The following ATP6V1C2 variants were observed in gnomAD, a reference collection of about 807,000 sequenced individuals.
ATP6V1C2 encodes the protein ATPase H+ transporting V1 subunit C2, also known as V-type proton ATPase subunit C 2.
In ATP6V1C2, 45 loss-of-function variants were observed where a neutral mutation model predicts 56.8. That is an observed-to-expected ratio of 0.79 (90% CI 0.62 to 1.02). The LOEUF is 1.02. Among genes scored for constraint, ATP6V1C2 ranks in the 50% least tolerant of loss-of-function variants. The pLI is 0.00. For missense variants in ATP6V1C2, 463 were observed against 519.7 expected (o/e 0.89, Z 1.06); for synonymous variants, 220 against 201.3 (o/e 1.09, Z -0.79).
chr2:10,756,701 G>C (rs1232132330), intron 4 of ATP6V1C2, among the ~76,000 whole-genome samples: 1 of 152,114 alleles, frequency 6.6e-6, no homozygotes, highest in East Asian at 1.9e-4. Flanking sequence ...TAGGAGACAA[G>C]AGTGAAACTC....
chr2:10,726,260 A>T (rs529027580), intron 2 of ATP6V1C2, among the ~76,000 whole-genome samples: 2 of 152,228 alleles, frequency 1.3e-5, no homozygotes, highest in African/African-American at 4.8e-5. Flanking sequence ...AGATGGTAAC[A>T]TCATAGTCAC....
intron 3 of ATP6V1C2, among the ~76,000 whole-genome samples, chr2:10,742,779 G>GC (rs1317804759): frequency 6.6e-6 from 1 of 152,150 alleles, no homozygotes; most frequent in African/African-American, 2.4e-5. Flanking sequence ...GCTAAGAGGT[G>GC]CCCCCGTAGT....
intron 3 of ATP6V1C2, among the ~76,000 whole-genome samples, chr2:10,734,570 G>A (rs1662152239): frequency 1.3e-5 from 2 of 152,168 alleles, no homozygotes; most frequent in African/African-American, 4.8e-5. Context: ...TAACCTGCAA[G>A]AGTTCCAAAT....
intron 3 of ATP6V1C2, among the ~76,000 whole-genome samples, chr2:10,732,480 G>T (rs1331523228): frequency 6.6e-6 from 1 of 151,932 alleles, no homozygotes; most frequent in African/African-American, 2.4e-5. Flanking sequence ...GGCTGGTCTC[G>T]AACTCCTGAC....
At chr2:10,769,813 A>C (rs1459715319) in intron 6 of ATP6V1C2, among the ~76,000 whole-genome samples, 2 of 152,186 alleles carry the variant, frequency 1.3e-5, no homozygotes, top group African/African-American at 4.8e-5. Context: ...GGAGCAGCCC[A>C]GTCCCCCCAG....
chr2:10,776,521 C>T (rs1664999501), intron 10 of ATP6V1C2, among the ~76,000 whole-genome samples: 1 of 152,214 alleles, frequency 6.6e-6, no homozygotes, highest in Non-Finnish European at 1.5e-5. Context: ...GAAAGCTGAG[C>T]TCCAAAGTGT....
At position 10,763,133 on chromosome 2, in the gene ATP6V1C2, C is replaced by T. The variant is rs780333149; in HGVS notation, c.284-1198C>T. On this transcript the variant is annotated intron_variant, in intron 4 of 13. Transcript: ENST00000272238. This position sits in a 1 kb window ranked among gnomAD's most constrained non-coding sequence, Gnocchi z 4.2. ...AAGTGCAGACATGACCCTTGGTGAC[C>T]GATCCTACCCCTTTCTGTTCAGCAT... Among the ~76,000 whole-genome samples the T allele has an allele frequency of 4.6e-5, 7 of 152,052 alleles. No individual in the cohort carries two copies. Among genetic ancestry groups the T allele is most frequent in the African/African-American group, 7.2e-5 (3 of 41,384 alleles).
chr2:10,784,439 G>T lies in ATP6V1C2; in HGVS notation c.*1176G>T. 1 of 768,144 alleles carries T rather than the reference G, an allele frequency of 1.3e-6. No homozygotes were observed. The allele number at this position is 768,144 out of a possible 1,614,324, so 47.6% of individuals were successfully genotyped here. On this transcript the variant is annotated 3_prime_UTR_variant, in exon 14 of 14. Coordinates refer to ENST00000272238, the MANE Select transcript of ATP6V1C2 (RefSeq NM_001039362.2). ...TGGAGCTACTCCTGCTACAATCCAGGTTCTCCTCAGTCTGACTCCTACCCT... is the reference window on the plus strand; with the variant it reads ...TGGAGCTACTCCTGCTACAATCCAGTTTCTCCTCAGTCTGACTCCTACCCT...
Position 10,780,574 on chromosome 2 carries a change from TGGGAGTGTTC to T in ATP6V1C2, c.1062-1668_1062-1659del, listed in dbSNP as rs1665285740. 6.6e-6 allele frequency among the ~76,000 whole-genome samples: 1 copy of T among 152,202 alleles called. No homozygotes were observed. The highest frequency in any genetic ancestry group is 1.5e-5 in the Non-Finnish European group (1 of 68,036). ...TGGGTTGGAGGGTGTACCCAGCTCCTGGGAGTGTTCTAGCCATCTCTAATATACATGGCCC... is the reference window on the plus strand; with the variant it reads ...TGGGTTGGAGGGTGTACCCAGCTCCTTAGCCATCTCTAATATACATGGCCC... On this transcript the variant is annotated intron_variant, in intron 12 of 13. Coordinates refer to ENST00000272238, the MANE Select transcript of ATP6V1C2 (RefSeq NM_001039362.2). This position sits in a 1 kb window ranked among gnomAD's most constrained non-coding sequence, Gnocchi z 4.1.
intron 4 of ATP6V1C2, among the ~76,000 whole-genome samples, chr2:10,762,369 C>T (rs1377668045): frequency 3.3e-5 from 5 of 152,132 alleles, no homozygotes; most frequent in African/African-American, 4.8e-5. Context: ...TGGTCTCAAA[C>T]TCCTGACCTC....
intron 8 of ATP6V1C2, among the ~76,000 whole-genome samples, chr2:10,773,387 G>A (rs1446735192): frequency 2.6e-5 from 4 of 152,098 alleles, no homozygotes; most frequent in Non-Finnish European, 5.9e-5. Context: ...AAAGCTGCGC[G>A]TTTTCCTTTT....
intron 3 of ATP6V1C2, among the ~76,000 whole-genome samples, chr2:10,736,467 C>T (rs1327249541): frequency 6.6e-6 from 1 of 152,176 alleles, no homozygotes; most frequent in Non-Finnish European, 1.5e-5. Context: ...TGTATCTATG[C>T]ATCCCCCATT....
intron 4 of ATP6V1C2, among the ~76,000 whole-genome samples, chr2:10,755,659 C>G (rs1663509774): frequency 6.6e-6 from 1 of 152,222 alleles, no homozygotes; most frequent in Non-Finnish European, 1.5e-5. Flanking sequence ...CCTCCACCCT[C>G]TCCAGAGCCA....
At position 10,763,273 on chromosome 2, in the gene ATP6V1C2, C is replaced by T. The variant is rs1664029308; in HGVS notation, c.284-1058C>T. Among the ~76,000 whole-genome samples, 1 of 152,194 alleles carries T rather than the reference C, an allele frequency of 6.6e-6. No individual in the cohort carries two copies. The highest frequency in any genetic ancestry group is 2.4e-5 in the African/African-American group (1 of 41,430). On this transcript the variant is annotated intron_variant, in intron 4 of 13. Coordinates refer to ENST00000272238, the MANE Select transcript of ATP6V1C2 (RefSeq NM_001039362.2). This position sits in a 1 kb window ranked among gnomAD's most constrained non-coding sequence, Gnocchi z 4.2. The stretch of plus-strand genomic sequence containing the variant: ...CCGGCCACACGGCCACCTCCTCTTC[C>T]CCTTAGCCTCCACGTGAATACCATG...
rs1208708529 is a variant in ATP6V1C2 at position 10,784,096 on chromosome 2, A to AAAGT, written c.*834_*837dup. The AAAGT allele has an allele frequency of 8.9e-6, 4 of 451,644 alleles. No homozygotes were observed. Among genetic ancestry groups the AAAGT allele is most frequent in the Non-Finnish European group, 1.6e-5 (4 of 256,022 alleles). 28.0% of individuals were successfully genotyped at this position (451,644 alleles called of 1,614,324 possible). The stretch of plus-strand genomic sequence containing the variant: ...TTTTTCAATGTTTTCTTGAGATGCA[A>AAAGT]AAGTTCACTGTTGCAGTGTTTTCAA... On this transcript the variant is annotated 3_prime_UTR_variant, in exon 14 of 14. Coordinates refer to ENST00000272238, the MANE Select transcript of ATP6V1C2 (RefSeq NM_001039362.2).
chr2:10,723,285 G>C (rs1307643305), intron 2 of ATP6V1C2, among the ~76,000 whole-genome samples: 1 of 152,192 alleles, frequency 6.6e-6, no homozygotes, highest in African/African-American at 2.4e-5. Context: ...GCACACTCAG[G>C]TTCTCTTGGG....
intron 5 of ATP6V1C2, among the ~76,000 whole-genome samples, chr2:10,767,178 T>TG (rs1664281835): frequency 6.7e-6 from 1 of 148,318 alleles, no homozygotes; most frequent in African/African-American, 2.5e-5. Context: ...TTTTTTTTTT[T>TG]GAGGCAGAGT....
chr2:10,780,283 C>A lies in ATP6V1C2; in HGVS notation c.1061+1614C>A, dbSNP rs1267263706. Reference sequence around the variant, plus strand: ...CCAAACTTCAGGGTCAGTTTAGACACCCCTGACAGGCCCGGTCCACTCCGC... The same window carrying A: ...CCAAACTTCAGGGTCAGTTTAGACAACCCTGACAGGCCCGGTCCACTCCGC... On this transcript the variant is annotated intron_variant, in intron 12 of 13. Transcript: ENST00000272238. The surrounding 1 kb of genome is among the most constrained non-coding windows in gnomAD (Gnocchi z 4.1). Among the ~76,000 whole-genome samples the A allele has an allele frequency of 6.6e-6, 1 of 152,198 alleles. No individual in the cohort carries two copies. The highest frequency in any genetic ancestry group is 2.4e-5 in the African/African-American group (1 of 41,434).
chr2:10,727,339 G>A (rs1661701623), intron 3 of ATP6V1C2, among the ~76,000 whole-genome samples: 1 of 151,434 alleles, frequency 6.6e-6, no homozygotes, highest in South Asian at 2.1e-4. Flanking sequence ...CAAAGTGTTG[G>A]GATTACAGGC....
Sources: allele counts gnomAD v4.1 joint callset (sites outside exome capture counted in the v4.1 genomes callset), GRCh38; gene constraint gnomAD v4.1.1; non-coding constraint Gnocchi (gnomAD v3.1); transcripts MANE v1.5; gene names NCBI Gene and HGNC (gene_info 2026-07-23, HGNC 2026-07-21).